Variants in CNTN3 observed in about 807,000 individuals in gnomAD.
The protein encoded by CNTN3 is contactin-3.
In CNTN3, 60 loss-of-function variants were observed where a neutral mutation model predicts 119.1. The observed-to-expected ratio is 0.50, with a 90% CI of 0.41 to 0.62. The LOEUF (loss-of-function observed/expected upper bound fraction) is 0.62. Among genes scored for constraint, CNTN3 ranks in the 20% least tolerant of loss-of-function variants. The probability of loss-of-function intolerance (pLI) is 0.00; values close to 1 mark genes in which losing one functional copy is unlikely to be tolerated. For missense variants in CNTN3, 1,101 were observed against 1,242.4 expected, an observed-to-expected ratio of 0.89 and a Z score of 1.71; for synonymous variants, 450 against 438.7, an observed-to-expected ratio of 1.03 and a Z score of -0.32.
intron 4 of CNTN3, among the ~76,000 whole-genome samples, chr3:74,457,474 A>C (rs1439070216): frequency 2.6e-5 from 4 of 151,984 alleles, no homozygotes; most frequent in African/African-American, 9.7e-5. Context: ...TTATATAATA[A>C]TATCATTGAC....
At chr3:74,613,324 G>A (rs1575870332) in intron 1 of CNTN3, among the ~76,000 whole-genome samples, 1 of 146,786 alleles carries the variant, frequency 6.8e-6, no homozygotes, top group South Asian at 2.1e-4. Flanking sequence ...ATTATTTCTG[G>A]ATTTACCTAC....
intron 4 of CNTN3, among the ~76,000 whole-genome samples, chr3:74,432,156 C>G (rs1437585620): frequency 6.6e-6 from 1 of 152,082 alleles, no homozygotes; most frequent in Non-Finnish European, 1.5e-5. Flanking sequence ...TTGAAAGAAT[C>G]AGGTCGCTGC....
intron 4 of CNTN3, among the ~76,000 whole-genome samples, chr3:74,464,149 C>T (rs151079218): frequency 1.7e-3 from 253 of 152,180 alleles, no homozygotes; most frequent in African/African-American, 6.0e-3. Context: ...TCTGTGTTAC[C>T]TCATAGAGTT....
At chr3:74,297,012 C>T (rs1702351969) in intron 18 of CNTN3, among the ~76,000 whole-genome samples, 1 of 151,926 alleles carries the variant, frequency 6.6e-6, no homozygotes, top group Admixed American at 6.6e-5. Flanking sequence ...ATATCTGAGA[C>T]AGGTATAAAA....
chr3:74,476,194 G>A (rs146184252), intron 4 of CNTN3, among the ~76,000 whole-genome samples: 1 of 152,158 alleles, frequency 6.6e-6, no homozygotes, highest in Admixed American at 6.5e-5. Context: ...AAAACAAGGT[G>A]AGGTATTATT....
chr3:74,364,385 A>G (rs1434291736), intron 10 of CNTN3, 82 bp downstream of exon 10: 8 of 1,372,986 alleles, frequency 5.8e-6, no homozygotes, highest in African/African-American at 4.4e-5. Context: ...ACCTAATGTG[A>G]AAAGTAAATA....
chr3:74,342,152 TG>T (rs1250835764), intron 11 of CNTN3, among the ~76,000 whole-genome samples: 10 of 152,190 alleles, frequency 6.6e-5, no homozygotes, highest in Admixed American at 2.0e-4. Flanking sequence ...AAATATACAT[TG>T]ATGAAAATGT....
At chr3:74,581,746 G>T (rs1704512507) in intron 1 of CNTN3, among the ~76,000 whole-genome samples, 1 of 152,174 alleles carries the variant, frequency 6.6e-6, no homozygotes, top group South Asian at 2.1e-4. Context: ...TGTAGAATTT[G>T]CATAAAGATA....
intron 1 of CNTN3, among the ~76,000 whole-genome samples, chr3:74,524,483 G>T (rs1703587530): frequency 6.6e-6 from 1 of 151,872 alleles, no homozygotes; most frequent in Non-Finnish European, 1.5e-5. Context: ...TCATCAGGAA[G>T]GTTAGGGAAA....
intron 4 of CNTN3, among the ~76,000 whole-genome samples, chr3:74,477,207 C>A (rs1459766741): frequency 1.3e-5 from 2 of 152,256 alleles, no homozygotes; most frequent in East Asian, 1.9e-4. Context: ...CCTGTCTGTA[C>A]AGAAGAAGAA....
intron 4 of CNTN3, among the ~76,000 whole-genome samples, chr3:74,481,290 T>TA (rs1702759084): frequency 6.7e-6 from 1 of 150,202 alleles, no homozygotes; most frequent in South Asian, 2.1e-4. Context: ...ACCCAGTATT[T>TA]AGAGAATATC....
intron 3 of CNTN3, 113 bp from the exon 4 acceptor site, chr3:74,486,744 A>G (rs1343133048): frequency 7.0e-6 from 6 of 852,292 alleles, no homozygotes; most frequent in Middle Eastern, 2.6e-4. Context: ...AGTGATACAT[A>G]TATTATTCAA....
intron 1 of CNTN3, among the ~76,000 whole-genome samples, chr3:74,534,606 A>G (rs577342844): frequency 8.5e-5 from 13 of 152,176 alleles, no homozygotes. Flanking sequence ...GAAACTATTC[A>G]GATATACTGA....
At chr3:74,434,158 G>A (rs1701829758) in intron 4 of CNTN3, among the ~76,000 whole-genome samples, 2 of 152,112 alleles carry the variant, frequency 1.3e-5, no homozygotes, top group African/African-American at 4.8e-5. Context: ...CATAATCCAG[G>A]CCTGCAGATC....
intron 4 of CNTN3, among the ~76,000 whole-genome samples, chr3:74,483,665 G>A (rs1190954987): frequency 6.6e-6 from 1 of 152,040 alleles, no homozygotes; most frequent in Non-Finnish European, 1.5e-5. Flanking sequence ...TTCTCTGTGG[G>A]ACTTGGAGTT....
intron 1 of CNTN3, among the ~76,000 whole-genome samples, chr3:74,535,786 T>TA (rs933783522): frequency 1.7e-4 from 26 of 152,116 alleles, no homozygotes; most frequent in African/African-American, 6.0e-4. Flanking sequence ...TCCCAATTTT[T>TA]AACCTTAGCA....
intron 5 of CNTN3, among the ~76,000 whole-genome samples, chr3:74,389,342 G>T (rs1351342772): frequency 6.6e-6 from 1 of 152,018 alleles, no homozygotes; most frequent in Non-Finnish European, 1.5e-5. Context: ...TTCACGGGAA[G>T]ATTATGTCTG....
intron 1 of CNTN3, among the ~76,000 whole-genome samples, chr3:74,585,488 G>C (rs1044015888): frequency 1.7e-4 from 26 of 152,072 alleles, no homozygotes; most frequent in African/African-American, 5.8e-4. Flanking sequence ...TTGAATTCAA[G>C]TTTTAGAGAA....
intron 1 of CNTN3, among the ~76,000 whole-genome samples, chr3:74,610,745 G>C (rs1251580583): frequency 6.6e-6 from 1 of 152,148 alleles, no homozygotes; most frequent in Non-Finnish European, 1.5e-5. Context: ...TATCCCAGGA[G>C]AGAAGATGGG....
Sources: gnomAD v4.1 joint callset for allele counts (sites outside exome capture counted in the v4.1 genomes callset) on GRCh38, gnomAD v4.1.1 for gene constraint, MANE v1.5 for transcripts, NCBI Gene and HGNC (gene_info 2026-07-23, HGNC 2026-07-21) for gene names.